The following PCDHA3 variants were observed in gnomAD, a reference collection of about 807,000 sequenced individuals.
The protein encoded by PCDHA3 is protocadherin alpha 3.
Under a neutral mutation model 62.2 loss-of-function variants are expected in PCDHA3, and 41 were observed. The ratio of observed to expected loss-of-function variants is 0.66; its 90% CI spans 0.51 to 0.86. The LOEUF (loss-of-function observed/expected upper bound fraction) is 0.86, where lower values mean the gene tolerates loss of function less well. Ranked by LOEUF, PCDHA3 falls within the 40% of genes least tolerant of loss-of-function variation. The pLI, the probability that PCDHA3 is intolerant of heterozygous loss-of-function variation, is 0.00. For missense variants in PCDHA3, 1,304 were observed against 1,241.2 expected, an observed-to-expected ratio of 1.05 and a Z score of -0.76; for synonymous variants, 640 against 555.4, an observed-to-expected ratio of 1.15 and a Z score of -2.14.
In PCDHA3 at chr5:140,802,484, CG is replaced by C; in HGVS notation, c.1292del (p.Gly431AlafsTer18). 3 of 1,614,164 alleles carry C rather than the reference CG, an allele frequency of 1.9e-6. No homozygotes were observed. Among genetic ancestry groups the C allele is most frequent in the Non-Finnish European group, 2.5e-6 (3 of 1,180,026 alleles). ...ATGAGCTGGTGGTGACTGCTCGGGA[CG>C]GGGGCTCGCCTTCACTGTGGGCCAC... Reference protein sequence around the residue: ...AYELVVTARDGGSPSLWATAS... With the variant: ...AYELVVTARDXGSPSLWATAS... On this transcript the variant is annotated frameshift_variant, in exon 1 of 4. Coordinates refer to ENST00000522353, the MANE Select transcript of PCDHA3 (RefSeq NM_018906.3). LOFTEE classifies it high-confidence loss of function.
chr5:140,857,755 T>G (rs1427129030), intron 1 of PCDHA3: 1 of 1,597,184 alleles, frequency 6.3e-7, no homozygotes, highest in Non-Finnish European at 8.6e-7. Flanking sequence ...CGTCTCCCGC[T>G]GGCAGCGCGG....
At chr5:140,969,933 C>T (rs2096370749) in intron 1 of PCDHA3, among the ~76,000 whole-genome samples, 1 of 152,192 alleles carries the variant, frequency 6.6e-6, no homozygotes, top group South Asian at 2.1e-4. Context: ...ATTTAGACAT[C>T]ATACTGAAGC....
chr5:140,848,258 T>G, intron 1 of PCDHA3: 1 of 479,224 alleles, frequency 2.1e-6, no homozygotes, highest in Non-Finnish European at 3.7e-6. Context: ...AACTGTGAAA[T>G]TTTTATTCAT....
At chr5:140,817,454 C>A (rs1450053656) in intron 1 of PCDHA3, 1 of 152,226 alleles carries the variant, frequency 6.6e-6, no homozygotes, top group Non-Finnish European at 1.5e-5. Flanking sequence ...ATAACAGCAT[C>A]TTGCTGATGT....
At chr5:140,829,220 C>G (rs149405425) in intron 1 of PCDHA3, 22 of 1,614,108 alleles carry the variant, frequency 1.4e-5, no homozygotes, top group Non-Finnish European at 1.8e-5. Flanking sequence ...CGTGAACGAC[C>G]TCGATTCAGG....
At chr5:140,835,878 G>A (rs138465402) in intron 1 of PCDHA3, 6 of 1,611,878 alleles carry the variant, frequency 3.7e-6, no homozygotes, top group Non-Finnish European at 5.1e-6. Context: ...GGAGCTGCGG[G>A]TGGGCGAGCG....
intron 1 of PCDHA3, among the ~76,000 whole-genome samples, chr5:140,917,068 GAGTTTAATGTAAAGTTCCCC>G (rs1192645655): frequency 1.3e-5 from 2 of 152,066 alleles, no homozygotes; most frequent in Non-Finnish European, 2.9e-5. Context: ...CGACAGCACC[GAGTTTAATGTAAAGTTCCCC>G]AGTTGCTGTG....
chr5:140,802,740 G>C lies in PCDHA3; in HGVS notation c.1543G>C (p.Gly515Arg). The C allele has an allele frequency of 6.2e-7, 1 of 1,612,596 alleles. No individual in the cohort carries two copies. The highest frequency in any genetic ancestry group is 8.5e-7 in the Non-Finnish European group (1 of 1,179,792). Residue 515 changes from glycine to arginine, a missense_variant, in exon 1 of 4, where the codon GGC becomes CGC. Coordinates refer to ENST00000522353, the MANE Select transcript of PCDHA3 (RefSeq NM_018906.3). The stretch of plus-strand genomic sequence containing the variant: ...CTACGTGTCGGTACACGCGGAGAGC[G>C]GCAAGGTGTACGCGCTGCAGCCGCT... ...SSYVSVHAES[G>R]KVYALQPLDH...
chr5:140,941,492 T>G (rs1446870882), intron 1 of PCDHA3, among the ~76,000 whole-genome samples: 18 of 151,592 alleles, frequency 1.2e-4, no homozygotes, highest in Admixed American at 1.2e-3. Flanking sequence ...ATTTTTTGTA[T>G]TTTTAGTAGA....
intron 3 of PCDHA3, among the ~76,000 whole-genome samples, chr5:140,992,388 G>A (rs2097508351): frequency 6.6e-6 from 1 of 152,120 alleles, no homozygotes; most frequent in Non-Finnish European, 1.5e-5. Context: ...TTGTGTTCTG[G>A]ACTTAGAGAT....
chr5:140,815,769 A>C (rs990997775), intron 1 of PCDHA3: 3 of 152,144 alleles, frequency 2.0e-5, no homozygotes, highest in Non-Finnish European at 4.4e-5. Flanking sequence ...AGGCAAGTCT[A>C]ATTGTGATCA....
chr5:140,949,958 T>G (rs1192385409), intron 1 of PCDHA3, among the ~76,000 whole-genome samples: 1 of 151,896 alleles, frequency 6.6e-6, no homozygotes, highest in Non-Finnish European at 1.5e-5. Context: ...GTGGTTGCTG[T>G]AAGGATTACA....
chr5:140,837,634 T>A (rs918973848), intron 1 of PCDHA3, among the ~76,000 whole-genome samples: 4 of 134,932 alleles, frequency 3.0e-5, no homozygotes, highest in Admixed American at 1.4e-4. Context: ...CCTTCCTTCC[T>A]TTCTTTCTTT....
chr5:140,876,486 G>A, intron 1 of PCDHA3: 1 of 1,614,014 alleles, frequency 6.2e-7, no homozygotes, highest in Non-Finnish European at 8.5e-7. Context: ...TGGTCCTGGT[G>A]GAAGTTCTGG....
In PCDHA3 at chr5:141,000,416, TATATA is replaced by T. The variant is rs1214257718; in HGVS notation, c.2543-9210_2543-9206del. On this transcript the variant is annotated intron_variant, in intron 3 of 3. Coordinates refer to ENST00000522353, the MANE Select transcript of PCDHA3 (RefSeq NM_018906.3). ...CTCTCTATATATATATATATATATA[TATATA>T]TTTTTTTTTTTTTTTTTTTTTTTGA... 2.1e-3 allele frequency among the ~76,000 whole-genome samples: 195 copies of T among 93,382 alleles called. 1 individual carries two copies. Among genetic ancestry groups the T allele is most frequent in the African/African-American group, 4.2e-3 (94 of 22,362 alleles). 61.3% of individuals were successfully genotyped at this position (93,382 alleles called of 152,430 possible). A position where few individuals can be genotyped will look rare whatever the true frequency, so the allele number is the denominator to read the frequency against.
At chr5:141,006,105 GT>G (rs79904017) in intron 3 of PCDHA3, among the ~76,000 whole-genome samples, 172 of 143,342 alleles carry the variant, frequency 1.2e-3, no homozygotes, top group East Asian at 2.0e-3. Context: ...ATGGTAAGGA[GT>G]TTTTTTTTTT....
At chr5:140,869,615 G>A (rs373081906) in intron 1 of PCDHA3, 4 of 1,613,740 alleles carry the variant, frequency 2.5e-6, no homozygotes, top group East Asian at 4.5e-5. Flanking sequence ...TTGACCTACA[G>A]GCTAAGTAAA....
intron 2 of PCDHA3, 93 bp downstream of exon 2, chr5:140,979,100 A>C (rs1325676942): frequency 6.5e-7 from 1 of 1,545,710 alleles, no homozygotes; most frequent in African/African-American, 1.4e-5. Context: ...CAGCTGTCAA[A>C]ACTAAAAAGC....
chr5:140,823,315 G>T (rs2150124604), intron 1 of PCDHA3: 2 of 1,612,268 alleles, frequency 1.2e-6, no homozygotes, highest in South Asian at 1.1e-5. Context: ...CGCGGAGAGC[G>T]GCAAGGTGTA....
Sources: gnomAD v4.1 joint callset for allele counts (sites outside exome capture counted in the v4.1 genomes callset) on GRCh38, gnomAD v4.1.1 for gene constraint, MANE v1.5 for transcripts, NCBI Gene and HGNC (gene_info 2026-07-23, HGNC 2026-07-21) for gene names.